The following MICU1 variants were observed in gnomAD, a reference collection of about 807,000 sequenced individuals.
MICU1 encodes the protein mitochondrial calcium uptake 1, also known as calcium uptake protein 1, mitochondrial.
MICU1 carries 45 observed loss-of-function variants against 56.8 expected under a neutral mutation model. The observed-to-expected ratio is 0.79, with a 90% CI of 0.62 to 1.02. The LOEUF (loss-of-function observed/expected upper bound fraction) is 1.02, where lower values mean the gene tolerates loss of function less well. MICU1 is among the 50% of genes least tolerant of loss of function. The pLI, the probability that MICU1 is intolerant of heterozygous loss-of-function variation, is 0.00. For synonymous variants in MICU1, 186 were observed against 195.1 expected (o/e 0.95, Z 0.39); for missense variants, 504 against 587.1 (o/e 0.86, Z 1.46).
chr10:72,427,771 A>ATATAT (rs1864397499), intron 8 of MICU1, among the ~76,000 whole-genome samples: 1 of 130,630 alleles, frequency 7.7e-6, no homozygotes, highest in Non-Finnish European at 1.6e-5. Flanking sequence ...TATATATATG[A>ATATAT]ATGATAAATT....
intron 5 of MICU1, among the ~76,000 whole-genome samples, chr10:72,511,980 TA>T (rs1867466543): frequency 1.3e-5 from 2 of 151,950 alleles, no homozygotes; most frequent in Admixed American, 6.6e-5. Context: ...ACACCCAAAA[TA>T]ATGCTTTACC....
intron 1 of MICU1, among the ~76,000 whole-genome samples, chr10:72,592,357 T>C (rs1841252307): frequency 6.6e-6 from 1 of 151,646 alleles, no homozygotes; most frequent in African/African-American, 2.4e-5. Context: ...ACAAAGAAAA[T>C]TCCTGGTCCA....
intron 6 of MICU1, among the ~76,000 whole-genome samples, chr10:72,507,051 C>T (rs1867276179): frequency 6.6e-6 from 1 of 151,726 alleles, no homozygotes; most frequent in Non-Finnish European, 1.5e-5. Context: ...CATGGCAGGA[C>T]ATGTATATGC....
chr10:72,487,767 C>A (rs1866521972), intron 6 of MICU1, among the ~76,000 whole-genome samples: 3 of 152,186 alleles, frequency 2.0e-5, no homozygotes, highest in Admixed American at 2.0e-4. Context: ...CCTCAACAAA[C>A]AAGGGCAACT....
At chr10:72,513,520 CTT>C (rs1867550569) in intron 5 of MICU1, among the ~76,000 whole-genome samples, 1 of 152,146 alleles carries the variant, frequency 6.6e-6, no homozygotes, top group East Asian at 1.9e-4. Context: ...CCCCTTCACT[CTT>C]GATAATGTCC....
chr10:72,615,787 G>A (rs569757894), intron 1 of MICU1, among the ~76,000 whole-genome samples: 3 of 152,082 alleles, frequency 2.0e-5, no homozygotes, highest in African/African-American at 7.2e-5. Flanking sequence ...TCAGGAGATC[G>A]AGACCATCCT....
intron 1 of MICU1, among the ~76,000 whole-genome samples, chr10:72,569,237 A>ATATATATATTTTTTT: frequency 5.8e-5 from 2 of 34,380 alleles, no homozygotes; most frequent in African/African-American, 1.1e-4. Flanking sequence ...ATATATATAT[A>ATATATATATTTTTTT]TTTTTTTTTT....
chr10:72,426,597 A>G (rs929043923), intron 8 of MICU1, among the ~76,000 whole-genome samples: 1 of 151,176 alleles, frequency 6.6e-6, no homozygotes, highest in Non-Finnish European at 1.5e-5. Context: ...GGGGTACCCT[A>G]TGTTGCCTGG....
At chr10:72,453,746 G>T (rs1451786753) in intron 8 of MICU1, among the ~76,000 whole-genome samples, 4 of 151,882 alleles carry the variant, frequency 2.6e-5, no homozygotes, top group East Asian at 1.9e-4. Flanking sequence ...GGTCAGACTG[G>T]TCTCCAACTC....
Position 72,508,254 on chromosome 10 carries a change from G to A in MICU1, c.553C>T (p.Arg185Ter), listed in dbSNP as rs755651388. Residue 185 changes from arginine to a stop codon, truncating the protein, a stop_gained, in exon 6 of 12, where the codon CGA (arginine) becomes TGA (stop). Coordinates refer to ENST00000361114, the MANE Select transcript of MICU1 (RefSeq NM_001195518.2). LOFTEE classifies it high-confidence loss of function. ...RFDGKKISQE[R>*]EKFADEGSIF... ...CTGCCTTCATCAGCAAATTTTTCTC[G>A]TTCCTGGGAAATTTTCTATAGAATG... is the stretch of plus-strand genomic sequence containing the variant. 2.4e-5 allele frequency: 36 copies of A among 1,506,930 alleles called. No individual in the cohort carries two copies. Among genetic ancestry groups the A allele is most frequent in the South Asian group, 4.1e-5 (3 of 73,596 alleles). The allele number at this position is 1,506,930 out of a possible 1,614,324, so 93.3% of individuals were successfully genotyped here. A position where few individuals can be genotyped will look rare whatever the true frequency, so the allele number is the denominator to read the frequency against.
At chr10:72,385,174 A>T (rs899703956) in intron 10 of MICU1, among the ~76,000 whole-genome samples, 3 of 152,004 alleles carry the variant, frequency 2.0e-5, no homozygotes. Context: ...GATTTCAGCA[A>T]GTCATTTCCC....
At chr10:72,369,932 G>A (rs1862273866) in intron 11 of MICU1, among the ~76,000 whole-genome samples, 1 of 151,094 alleles carries the variant, frequency 6.6e-6, no homozygotes, top group South Asian at 2.1e-4. Context: ...CCAGGCTGGA[G>A]TGCAGTGGTG....
chr10:72,592,041 G>A (rs1471649108), intron 1 of MICU1, among the ~76,000 whole-genome samples: 5 of 146,844 alleles, frequency 3.4e-5, no homozygotes, highest in Admixed American at 6.9e-5. Flanking sequence ...ACAGAGCCTC[G>A]CTCTGTCATC....
chr10:72,591,104 T>C (rs1319099324), intron 1 of MICU1, among the ~76,000 whole-genome samples: 1 of 152,120 alleles, frequency 6.6e-6, no homozygotes, highest in Non-Finnish European at 1.5e-5. Flanking sequence ...GGAAAATTCA[T>C]AAATTTGTGA....
chr10:72,526,783 C>T (rs1003985038), intron 5 of MICU1, among the ~76,000 whole-genome samples: 2 of 151,904 alleles, frequency 1.3e-5, no homozygotes, highest in African/African-American at 4.8e-5. Context: ...ACCACCTTTC[C>T]TATGTCTAAT....
intron 5 of MICU1, among the ~76,000 whole-genome samples, chr10:72,531,106 C>T (rs527536190): frequency 6.6e-6 from 1 of 151,894 alleles, no homozygotes; most frequent in South Asian, 2.1e-4. Context: ...AAATGGTGTG[C>T]TAAAAGTTAA....
At chr10:72,532,772 T>A in intron 5 of MICU1, 1 of 779,098 alleles carries the variant, frequency 1.3e-6, no homozygotes, top group Non-Finnish European at 1.6e-6. Flanking sequence ...GCCACCTTAA[T>A]AGGAAAGGTA....
At chr10:72,624,799 G>C (rs1006010476) in intron 1 of MICU1, among the ~76,000 whole-genome samples, 35 of 152,266 alleles carry the variant, frequency 2.3e-4, no homozygotes, top group African/African-American at 7.2e-4. Context: ...ACAAACCAAG[G>C]ATTGGGACAA....
At chr10:72,453,021 C>T (rs559978784) in intron 8 of MICU1, among the ~76,000 whole-genome samples, 18 of 152,150 alleles carry the variant, frequency 1.2e-4, no homozygotes, top group South Asian at 4.2e-4. Flanking sequence ...TTATGTTTCA[C>T]GAGGCAGAGG....
Sources: allele counts gnomAD v4.1 joint callset (sites outside exome capture counted in the v4.1 genomes callset), GRCh38; gene constraint gnomAD v4.1.1; transcripts MANE v1.5; gene names NCBI Gene and HGNC (gene_info 2026-07-23, HGNC 2026-07-21).